CADPS2: variants seen among roughly 807,000 people sequenced by gnomAD.
CADPS2 encodes the protein calcium dependent secretion activator 2, also known as calcium-dependent secretion activator 2.
Under a neutral mutation model 172.5 loss-of-function variants are expected in CADPS2, and 93 were observed. The observed-to-expected ratio is 0.54, with a 90% CI of 0.46 to 0.64. The LOEUF is 0.64. Among genes scored for constraint, CADPS2 ranks in the 30% least tolerant of loss-of-function variants. The probability of loss-of-function intolerance (pLI) is 0.00; values close to 1 mark genes in which losing one functional copy is unlikely to be tolerated. For missense variants in CADPS2, 1,420 were observed against 1,565.9 expected, an observed-to-expected ratio of 0.91 and a Z score of 1.57; for synonymous variants, 546 against 555.2, an observed-to-expected ratio of 0.98 and a Z score of 0.23.
At chr7:122,735,073 G>A (rs937006179) in intron 2 of CADPS2, among the ~76,000 whole-genome samples, 1 of 152,064 alleles carries the variant, frequency 6.6e-6, no homozygotes, top group Non-Finnish European at 1.5e-5. Flanking sequence ...AATTCTGTAA[G>A]TCTGATTCAG....
intron 6 of CADPS2, among the ~76,000 whole-genome samples, chr7:122,598,154 C>T (rs1180616246): frequency 4.6e-5 from 7 of 151,730 alleles, no homozygotes; most frequent in Admixed American, 1.3e-4. Flanking sequence ...CAGAAGTAAG[C>T]AATGTGAGTG....
At chr7:122,406,216 G>A (rs1226955400) in intron 20 of CADPS2, among the ~76,000 whole-genome samples, 1 of 152,132 alleles carries the variant, frequency 6.6e-6, no homozygotes, top group Non-Finnish European at 1.5e-5. Context: ...ACCAAAGGAA[G>A]TTAAGAAAGA....
At chr7:122,594,231 T>A (rs1326283215) in intron 6 of CADPS2, among the ~76,000 whole-genome samples, 2 of 151,774 alleles carry the variant, frequency 1.3e-5, no homozygotes, top group African/African-American at 2.4e-5. Context: ...GGTCAGATGA[T>A]CAAGACCAGC....
rs1585536422 is a variant in CADPS2 at position 122,390,419 on chromosome 7, A to G, written c.3009-1681T>C. On this transcript the variant is annotated intron_variant, in intron 22 of 29. Coordinates refer to ENST00000449022, the MANE Select transcript of CADPS2 (RefSeq NM_017954.11). ...CTGAGTTTTAAGAATAACTGAATAC[A>G]ATTGGCAAAGAAGCAAATCTGCTTC... 2.0e-5 allele frequency among the ~76,000 whole-genome samples: 3 copies of G among 152,230 alleles called. 1 individual carries two copies. In the South Asian group the frequency reaches 6.2e-4, roughly 32 times the overall value.
At chr7:122,353,003 A>G (rs2038890002) in intron 27 of CADPS2, among the ~76,000 whole-genome samples, 1 of 152,198 alleles carries the variant, frequency 6.6e-6, no homozygotes. Flanking sequence ...AATTTATTGC[A>G]ACAGTGCTTT....
intron 9 of CADPS2, among the ~76,000 whole-genome samples, chr7:122,503,840 G>T (rs180927121): frequency 1.1e-4 from 17 of 152,294 alleles, no homozygotes; most frequent in Admixed American, 3.9e-4. Context: ...CTCATAGAGT[G>T]AGAATGGAGG....
chr7:122,544,966 C>A (rs1166878261), intron 8 of CADPS2, among the ~76,000 whole-genome samples: 1 of 152,064 alleles, frequency 6.6e-6, no homozygotes, highest in Admixed American at 6.6e-5. Flanking sequence ...AGGTCCTAGA[C>A]AGCCAGAAAA....
Position 122,588,528 on chromosome 7 carries a change from TC to T in CADPS2, c.1224-7239del, listed in dbSNP as rs1283451705. Reference sequence around the variant, plus strand: ...AAACAATCCAACTCTAGTTAAATTATCCTTCTTAAAATTTAGCCATTTTAAG... The same window carrying T: ...AAACAATCCAACTCTAGTTAAATTATCTTCTTAAAATTTAGCCATTTTAAG... On this transcript the variant is annotated intron_variant, in intron 6 of 29. Coordinates refer to ENST00000449022, the MANE Select transcript of CADPS2 (RefSeq NM_017954.11). 5.3e-5 allele frequency among the ~76,000 whole-genome samples: 8 copies of T among 152,050 alleles called. No homozygotes were observed. In the East Asian group the frequency reaches 1.6e-3, roughly 30 times the overall value.
chr7:122,495,615 T>C (rs572819232), intron 9 of CADPS2, among the ~76,000 whole-genome samples: 44 of 152,296 alleles, frequency 2.9e-4, no homozygotes, highest in South Asian at 1.5e-3. Flanking sequence ...TGGACATTCT[T>C]GTACGTCTTG....
intron 1 of CADPS2, among the ~76,000 whole-genome samples, chr7:122,819,034 C>T (rs1199301643): frequency 6.6e-6 from 1 of 152,160 alleles, no homozygotes; most frequent in Admixed American, 6.5e-5. Flanking sequence ...TTTAATTAAC[C>T]TCGCCTTCAA....
At chr7:122,729,029 T>C (rs2091385510) in intron 2 of CADPS2, among the ~76,000 whole-genome samples, 1 of 151,750 alleles carries the variant, frequency 6.6e-6, no homozygotes, top group Non-Finnish European at 1.5e-5. Flanking sequence ...CAACACCTGC[T>C]CTTCCTAGCC....
intron 1 of CADPS2, among the ~76,000 whole-genome samples, chr7:122,814,032 C>A (rs1800705626): frequency 6.6e-6 from 1 of 151,904 alleles, no homozygotes; most frequent in South Asian, 2.1e-4. Flanking sequence ...GTCATGTTAT[C>A]CCCATTTTAT....
intron 14 of CADPS2, among the ~76,000 whole-genome samples, chr7:122,467,173 T>G (rs1460212758): frequency 6.6e-6 from 1 of 152,214 alleles, no homozygotes; most frequent in African/African-American, 2.4e-5. Context: ...GTACATTACC[T>G]AAGGATAACC....
chr7:122,492,881 T>C (rs1385657181), intron 9 of CADPS2, among the ~76,000 whole-genome samples: 2 of 152,048 alleles, frequency 1.3e-5, no homozygotes, highest in Non-Finnish European at 2.9e-5. Flanking sequence ...AAAATATTTA[T>C]AGAGAAAAGG....
chr7:122,420,962 G>A (rs1293090252), intron 17 of CADPS2: 1 of 152,134 alleles, frequency 6.6e-6, no homozygotes, highest in Non-Finnish European at 1.5e-5. Context: ...TGTTTGCTTT[G>A]GTAGGGTTTC....
intron 5 of CADPS2, among the ~76,000 whole-genome samples, chr7:122,618,026 A>G (rs2075144390): frequency 7.0e-6 from 1 of 142,312 alleles, no homozygotes; most frequent in Non-Finnish European, 1.5e-5. Flanking sequence ...CCTGGGCGAC[A>G]GTGCAAGATT....
At chr7:122,330,200 C>T (rs911915862) in intron 28 of CADPS2, among the ~76,000 whole-genome samples, 5 of 152,080 alleles carry the variant, frequency 3.3e-5, no homozygotes, top group Non-Finnish European at 5.9e-5. Context: ...AATGAAATAA[C>T]GCCAAGAAAA....
intron 1 of CADPS2, among the ~76,000 whole-genome samples, chr7:122,785,848 C>T (rs773926486): frequency 4.6e-5 from 7 of 152,158 alleles, no homozygotes; most frequent in African/African-American, 7.2e-5. Flanking sequence ...CACCTCAAGC[C>T]CCACACACCA....
Position 122,372,788 on chromosome 7 carries a change from T to G in CADPS2, c.3387+6580A>C, listed in dbSNP as rs138867054. ...AATATAGAAACCGCATATTTTAATT[T>G]TTATGGGCTGGTTGCTCTTTACAGA... On this transcript the variant is annotated intron_variant, in intron 25 of 29. Coordinates refer to ENST00000449022, the MANE Select transcript of CADPS2 (RefSeq NM_017954.11). Among the ~76,000 whole-genome samples the G allele has an allele frequency of 6.4e-3, 981 of 152,310 alleles. 15 individuals carry two copies. The highest frequency in any genetic ancestry group is 0.061 in the Middle Eastern group (18 of 294).
Sources: allele counts gnomAD v4.1 joint callset (sites outside exome capture counted in the v4.1 genomes callset), GRCh38; gene constraint gnomAD v4.1.1; transcripts MANE v1.5; gene names NCBI Gene and HGNC (gene_info 2026-07-23, HGNC 2026-07-21).